The following ZBTB20 variants were observed in gnomAD, a reference collection of about 807,000 sequenced individuals.
ZBTB20 encodes zinc finger and BTB domain containing 20.
In ZBTB20, 9 loss-of-function variants were observed where a neutral mutation model predicts 56.9. That is an observed-to-expected ratio of 0.16 (90% confidence interval 0.10 to 0.28). ZBTB20 has a LOEUF of 0.28. ZBTB20 is among the 10% of genes least tolerant of loss of function. The pLI, the probability that ZBTB20 is intolerant of heterozygous loss-of-function variation, is 1.00. For synonymous variants in ZBTB20, 417 were observed against 420.7 expected (o/e 0.99, Z 0.11); for missense variants, 655 against 1,003.0 (o/e 0.65, Z 4.69).
rs181005294 is a variant in ZBTB20, at chr3:114,332,008, G to T, written c.*6997C>A. 4.0e-5 allele frequency: 6 copies of T among 150,054 alleles called. No homozygotes were observed. Among genetic ancestry groups the T allele is most frequent in the East Asian group, 1.9e-4 (1 of 5,140 alleles). The allele number at this position is 150,054 out of a possible 1,614,324, so 9.3% of individuals were successfully genotyped here. The stretch of plus-strand genomic sequence containing the variant: ...TCTACATATAAATTGCAATGAGTTT[G>T]CTGGGTAAAAACAACTGTTGCAACA... On this transcript the variant is annotated 3_prime_UTR_variant, in exon 12 of 12. Coordinates refer to ENST00000675478, the MANE Select transcript of ZBTB20 (RefSeq NM_001348800.3).
At chr3:114,576,927 T>A (rs2054137634) in intron 6 of ZBTB20, among the ~76,000 whole-genome samples, 1 of 152,154 alleles carries the variant, frequency 6.6e-6, no homozygotes, top group South Asian at 2.1e-4. Flanking sequence ...TAATTAACAT[T>A]AAAAATAATA....
At chr3:114,990,182 G>A (rs891722401) in intron 2 of ZBTB20, among the ~76,000 whole-genome samples, 2 of 152,100 alleles carry the variant, frequency 1.3e-5, no homozygotes, top group African/African-American at 2.4e-5. Context: ...TCTTGTGCCC[G>A]TTTTCAAAGG....
At chr3:114,477,417 C>T (rs1322292890) in intron 7 of ZBTB20, among the ~76,000 whole-genome samples, 1 of 150,486 alleles carries the variant, frequency 6.6e-6, no homozygotes, top group Non-Finnish European at 1.5e-5. Context: ...GACACAGGGT[C>T]TGTTTTCAAA....
chr3:114,761,058 T>C lies in ZBTB20; in HGVS notation c.-343+40043A>G, dbSNP rs146163379. Among the ~76,000 whole-genome samples the C allele has an allele frequency of 3.0e-3, 457 of 152,276 alleles. 3 individuals carry two copies. Among genetic ancestry groups the C allele is most frequent in the African/African-American group, 9.7e-3 (405 of 41,566 alleles). On this transcript the variant is annotated intron_variant, in intron 5 of 11. Coordinates refer to ENST00000675478, the MANE Select transcript of ZBTB20 (RefSeq NM_001348800.3). ...ACTCCTAGAAACTATACAGAATTCT[T>C]GGTGTTATTTAACATTTTGCTTTAT...
intron 6 of ZBTB20, among the ~76,000 whole-genome samples, chr3:114,647,684 G>A (rs1209001849): frequency 6.6e-6 from 1 of 152,014 alleles, no homozygotes; most frequent in African/African-American, 2.4e-5. Context: ...TATGAAACCT[G>A]TATTACATAT....
intron 7 of ZBTB20, among the ~76,000 whole-genome samples, chr3:114,439,576 G>A (rs2090768969): frequency 6.6e-6 from 1 of 152,166 alleles, no homozygotes; most frequent in African/African-American, 2.4e-5. Context: ...AGAAAGTAGA[G>A]ATTTAAAGAG....
intron 11 of ZBTB20, among the ~76,000 whole-genome samples, chr3:114,347,077 GTTTTTTTTTTTTT>G (rs59044965): frequency 0.021 from 1,519 of 71,056 alleles, 48 homozygotes; most frequent in South Asian, 0.1. Context: ...TTCTCTTCAG[GTTTTTTTTTTTTT>G]TTTTTTTTTT....
chr3:114,822,048 G>T (rs1211710074), intron 4 of ZBTB20, among the ~76,000 whole-genome samples: 1 of 152,006 alleles, frequency 6.6e-6, no homozygotes, highest in African/African-American at 2.4e-5. Flanking sequence ...AAAAATCTCA[G>T]AAATATGTAG....
intron 7 of ZBTB20, among the ~76,000 whole-genome samples, chr3:114,409,825 T>G (rs1489379101): frequency 6.6e-6 from 1 of 152,172 alleles, no homozygotes; most frequent in Non-Finnish European, 1.5e-5. Flanking sequence ...TAGAATTATC[T>G]ACTGAAAGAG....
intron 2 of ZBTB20, among the ~76,000 whole-genome samples, chr3:115,057,720 G>A (rs1406366180): frequency 6.6e-6 from 1 of 152,046 alleles, no homozygotes; most frequent in African/African-American, 2.4e-5. Flanking sequence ...AACACATCTT[G>A]TAGTGCTTGT....
rs191127522 is a variant in ZBTB20, at chr3:114,317,109, A to T, written c.*21896T>A. 295 of 153,174 alleles carry T rather than the reference A, an allele frequency of 1.9e-3. 1 individual carries two copies. Among genetic ancestry groups the T allele is most frequent in the Middle Eastern group, 3.4e-3 (1 of 294 alleles). 9.5% of individuals were successfully genotyped at this position (153,174 alleles called of 1,614,324 possible). On this transcript the variant is annotated 3_prime_UTR_variant, in exon 12 of 12. Transcript: ENST00000675478. ...CATCACCCATATGTCCCCACGCCTA[A>T]GGCTGACTTCTGTGTCAGCTTCTTG...
intron 1 of ZBTB20, among the ~76,000 whole-genome samples, chr3:115,140,861 C>A (rs1393408629): frequency 6.6e-6 from 1 of 152,048 alleles, no homozygotes; most frequent in Non-Finnish European, 1.5e-5. Context: ...ACTCAACTCT[C>A]TAAACTGTGT....
intron 4 of ZBTB20, among the ~76,000 whole-genome samples, chr3:114,870,563 G>T (rs897402934): frequency 7.9e-5 from 12 of 151,656 alleles, no homozygotes; most frequent in Non-Finnish European, 1.5e-4. Context: ...AGTGGTGATG[G>T]TGGTGGGAAT....
chr3:115,101,262 G>A (rs759690868), intron 1 of ZBTB20, among the ~76,000 whole-genome samples: 2 of 151,838 alleles, frequency 1.3e-5, no homozygotes, highest in Non-Finnish European at 2.9e-5. Flanking sequence ...TTATTAGGAG[G>A]GAAAAATAAA....
intron 1 of ZBTB20, among the ~76,000 whole-genome samples, chr3:115,145,948 G>A (rs550671770): frequency 5.9e-5 from 9 of 152,282 alleles, no homozygotes; most frequent in Admixed American, 1.3e-4. Flanking sequence ...TTTTTTAGCT[G>A]AAATGTATAC....
At chr3:114,699,991 A>G (rs2063298355) in intron 5 of ZBTB20, among the ~76,000 whole-genome samples, 1 of 152,124 alleles carries the variant, frequency 6.6e-6, no homozygotes, top group African/African-American at 2.4e-5. Flanking sequence ...GAAGATTTCA[A>G]AGGATTCTTT....
At chr3:114,788,900 G>A (rs569962432) in intron 5 of ZBTB20, among the ~76,000 whole-genome samples, 59 of 152,268 alleles carry the variant, frequency 3.9e-4, no homozygotes, top group African/African-American at 1.4e-3. Context: ...GAGTGTGTGT[G>A]TAGGGGAACT....
chr3:114,830,131 A>G (rs1415783931), intron 4 of ZBTB20, among the ~76,000 whole-genome samples: 5 of 151,870 alleles, frequency 3.3e-5, no homozygotes, highest in Non-Finnish European at 7.4e-5. Flanking sequence ...CCTGAATCCA[A>G]GAGGCACCCT....
chr3:114,361,506 G>A (rs939163040), intron 10 of ZBTB20, among the ~76,000 whole-genome samples: 1 of 152,194 alleles, frequency 6.6e-6, no homozygotes, highest in African/African-American at 2.4e-5. Flanking sequence ...TCCACCTGTA[G>A]GAATGAATGG....
Sources: gnomAD v4.1 joint callset for allele counts (sites outside exome capture counted in the v4.1 genomes callset) on GRCh38, gnomAD v4.1.1 for gene constraint, MANE v1.5 for transcripts, NCBI Gene and HGNC (gene_info 2026-07-23, HGNC 2026-07-21) for gene names.